The following THSD7B variants were observed in gnomAD, a reference collection of about 807,000 sequenced individuals.
The protein encoded by THSD7B is thrombospondin type 1 domain containing 7B, also known as thrombospondin type-1 domain-containing protein 7B.
Under a neutral mutation model 213.6 loss-of-function variants are expected in THSD7B, and 138 were observed. The ratio of observed to expected loss-of-function variants is 0.65; its 90% CI spans 0.56 to 0.74. The LOEUF is 0.74. Among genes scored for constraint, THSD7B ranks in the 30% least tolerant of loss-of-function variants. The pLI, the probability that THSD7B is intolerant of heterozygous loss-of-function variation, is 0.00. For synonymous variants in THSD7B, 742 were observed against 687.0 expected, an observed-to-expected ratio of 1.08 and a Z score of -1.25; for missense variants, 1,931 against 1,991.5, an observed-to-expected ratio of 0.97 and a Z score of 0.58.
At chr2:137,497,017 A>G (rs1456936040) in intron 15 of THSD7B, among the ~76,000 whole-genome samples, 1 of 152,172 alleles carries the variant, frequency 6.6e-6, no homozygotes, top group Admixed American at 6.6e-5. Context: ...GAGAATAGTC[A>G]TAATTTTTAT....
chr2:137,242,412 T>C, intron 9 of THSD7B, 45 bp from the exon 10 acceptor site: 1 of 1,467,246 alleles, frequency 6.8e-7, no homozygotes, highest in Non-Finnish European at 9.5e-7. Flanking sequence ...GTTCAACGGC[T>C]TAGTCTCTCA....
intron 2 of THSD7B, among the ~76,000 whole-genome samples, chr2:137,020,623 C>T (rs1450355105): frequency 6.6e-6 from 1 of 152,092 alleles, no homozygotes; most frequent in Non-Finnish European, 1.5e-5. Context: ...CACATCCCTC[C>T]CCAGAGCTCC....
At chr2:137,260,165 A>G (rs985515762) in intron 10 of THSD7B, among the ~76,000 whole-genome samples, 3 of 152,250 alleles carry the variant, frequency 2.0e-5, no homozygotes, top group African/African-American at 7.2e-5. Context: ...AGGAACTTAT[A>G]GGACATGTCA....
At chr2:137,498,628 G>A (rs1679629671) in intron 15 of THSD7B, among the ~76,000 whole-genome samples, 1 of 151,952 alleles carries the variant, frequency 6.6e-6, no homozygotes, top group Non-Finnish European at 1.5e-5. Context: ...GGAATCTGGG[G>A]GTAGGGGAGC....
chr2:137,573,551 A>G (rs547646809), intron 17 of THSD7B, among the ~76,000 whole-genome samples: 1 of 152,170 alleles, frequency 6.6e-6, no homozygotes, highest in East Asian at 1.9e-4. Context: ...ACATGAAGAG[A>G]AACTGATAAG....
intron 27 of THSD7B, among the ~76,000 whole-genome samples, chr2:137,671,351 T>C (rs1336688922): frequency 6.6e-6 from 1 of 152,008 alleles, no homozygotes; most frequent in Non-Finnish European, 1.5e-5. Flanking sequence ...TGAAAGATAA[T>C]TTTAGGAGGA....
chr2:137,416,275 C>G (rs1369063598), intron 14 of THSD7B, among the ~76,000 whole-genome samples: 10 of 152,170 alleles, frequency 6.6e-5, no homozygotes, highest in African/African-American at 2.4e-4. Flanking sequence ...TGCTTGCAGT[C>G]TTTCCTGGTC....
intron 1 of THSD7B, among the ~76,000 whole-genome samples, chr2:136,860,433 A>G (rs1243137730): frequency 6.6e-6 from 1 of 152,184 alleles, no homozygotes; most frequent in Non-Finnish European, 1.5e-5. Context: ...TGGATGAATA[A>G]TAAGCATTTT....
intron 14 of THSD7B, among the ~76,000 whole-genome samples, chr2:137,430,859 A>G (rs1687164953): frequency 6.6e-6 from 1 of 152,208 alleles, no homozygotes; most frequent in African/African-American, 2.4e-5. Flanking sequence ...GGAAACACAG[A>G]GGAATCCAGA....
chr2:137,410,989 C>T (rs759891731), intron 13 of THSD7B, among the ~76,000 whole-genome samples: 3 of 152,156 alleles, frequency 2.0e-5, no homozygotes, highest in Non-Finnish European at 4.4e-5. Flanking sequence ...CTAACAGGTC[C>T]ATCAAAGTGA....
At chr2:137,155,819 T>A (rs1361924102) in intron 5 of THSD7B, 1 of 152,220 alleles carries the variant, frequency 6.6e-6, no homozygotes, top group African/African-American at 2.4e-5. Context: ...GATTCTTGGA[T>A]CTGTCATGTC....
At chr2:137,114,485 G>A (rs1416440370) in intron 4 of THSD7B, among the ~76,000 whole-genome samples, 1 of 152,124 alleles carries the variant, frequency 6.6e-6, no homozygotes, top group East Asian at 1.9e-4. Flanking sequence ...AAACTAGGGA[G>A]ACATATTTCT....
At chr2:137,466,628 T>C (rs1687995919) in intron 15 of THSD7B, among the ~76,000 whole-genome samples, 1 of 152,144 alleles carries the variant, frequency 6.6e-6, no homozygotes, top group African/African-American at 2.4e-5. Flanking sequence ...TGCTTTGGCA[T>C]CTGAGCTGCT....
At chr2:136,915,530 A>T (rs957610188) in intron 2 of THSD7B, among the ~76,000 whole-genome samples, 2 of 152,260 alleles carry the variant, frequency 1.3e-5, no homozygotes, top group African/African-American at 4.8e-5. Flanking sequence ...TCACTCAGTA[A>T]GCATAATTGC....
intron 2 of THSD7B, among the ~76,000 whole-genome samples, chr2:136,906,170 C>T (rs1684156530): frequency 6.6e-6 from 1 of 152,112 alleles, no homozygotes; most frequent in Admixed American, 6.5e-5. Context: ...CATTCAATTT[C>T]CCTTGTGTGG....
intron 2 of THSD7B, among the ~76,000 whole-genome samples, chr2:136,939,676 T>G (rs1558860083): frequency 6.6e-6 from 1 of 152,196 alleles, no homozygotes; most frequent in Non-Finnish European, 1.5e-5. Context: ...AACCATGGTG[T>G]GCACATCTTT....
intron 2 of THSD7B, among the ~76,000 whole-genome samples, chr2:136,887,377 A>G (rs902206090): frequency 1.3e-5 from 2 of 151,536 alleles, no homozygotes; most frequent in Non-Finnish European, 1.5e-5. Flanking sequence ...ATTACTCTTG[A>G]TATAGTTTGG....
chr2:137,246,200 A>G (rs1323689220), intron 10 of THSD7B, among the ~76,000 whole-genome samples: 6 of 152,158 alleles, frequency 3.9e-5, no homozygotes, highest in Non-Finnish European at 8.8e-5. Flanking sequence ...GGAAACCTCG[A>G]CTAATGAAGA....
chr2:137,030,833 T>C (rs1220890257), intron 2 of THSD7B, among the ~76,000 whole-genome samples: 1 of 152,134 alleles, frequency 6.6e-6, no homozygotes, highest in Non-Finnish European at 1.5e-5. Flanking sequence ...TGTACACTAT[T>C]TGGGTGATGG....
Sources: allele counts gnomAD v4.1 joint callset (sites outside exome capture counted in the v4.1 genomes callset), GRCh38; gene constraint gnomAD v4.1.1; transcripts MANE v1.5; gene names NCBI Gene and HGNC (gene_info 2026-07-23, HGNC 2026-07-21).